The following IPO8 variants were observed in gnomAD, a reference collection of about 807,000 sequenced individuals.
IPO8 encodes the protein importin 8.
A neutral mutation model predicts 141.2 loss-of-function variants in IPO8; 65 were observed. That is an observed-to-expected ratio of 0.46 (90% confidence interval 0.38 to 0.57). IPO8 has a LOEUF of 0.57. IPO8 is among the 20% of genes least tolerant of loss of function. IPO8 has a pLI of 0.00. For synonymous variants in IPO8, 411 were observed against 420.3 expected (o/e 0.98, Z 0.27); for missense variants, 980 against 1,246.8 (o/e 0.79, Z 3.22).
Position 30,634,242 on chromosome 12 carries a change from C to T in IPO8, c.2740G>A (p.Ala914Thr). Residue 914 changes from alanine (A) to threonine (T), a missense_variant, in exon 23 of 25, where the codon GCA (alanine) becomes ACA (threonine). Physicochemically the swap from Ala to Thr is moderately conservative, Grantham distance 58. Around this residue, in one of 3 missense-constraint regions of IPO8, gnomAD observed 924 missense variants for 1,153.9 expected, o/e 0.80. Transcript: ENST00000256079. Reference protein sequence around the residue: ...DEEETNVTAQAMQSNNGRGED... With the variant: ...DEEETNVTAQTMQSNNGRGED... ...CCTCTTCCATTATTTGACTGCATTG[C>T]TTGAGCAGTTACATTTGTCTCCTCT... The T allele has an allele frequency of 1.2e-6, 2 of 1,613,906 alleles. No homozygotes were observed. Among genetic ancestry groups the T allele is most frequent in the Non-Finnish European group, 1.7e-6 (2 of 1,179,838 alleles).
At chr12:30,661,360 AG>A (rs1484734371) in intron 15 of IPO8, 94 bp from the exon 16 acceptor site, 1 of 1,157,206 alleles carries the variant, frequency 8.6e-7, no homozygotes, top group African/African-American at 1.6e-5. Context: ...ACACATCTGA[AG>A]TCTGCATTGC....
At chr12:30,688,503 T>C in intron 2 of IPO8, 1 of 366,372 alleles carries the variant, frequency 2.7e-6, no homozygotes, top group Non-Finnish European at 5.3e-6. Context: ...AAAGCAAAAA[T>C]CACAACATTC....
Position 30,637,263 on chromosome 12 carries a change from A to T in IPO8, c.2490-76T>A, listed in dbSNP as rs1272784027. ...AACAAATTCTGGAGAAACTACAAAA[A>T]GAAATGTCCAAGGCATACTCTAAGG... On this transcript the variant is annotated intron_variant, in intron 21 of 24. Transcript: ENST00000256079. The T allele has an allele frequency of 2.8e-5, 31 of 1,100,124 alleles. 1 individual carries two copies. Among genetic ancestry groups the T allele is most frequent in the South Asian group, 2.2e-4 (17 of 76,886 alleles). The allele number at this position is 1,100,124 out of a possible 1,614,324, so 68.1% of individuals were successfully genotyped here. A position where few individuals can be genotyped will look rare whatever the true frequency, so the allele number is the denominator to read the frequency against.
intron 20 of IPO8, among the ~76,000 whole-genome samples, chr12:30,647,620 A>AG: frequency 6.6e-6 from 1 of 150,896 alleles, no homozygotes; most frequent in East Asian, 1.9e-4. Context: ...AAAAAAAAAA[A>AG]AAAAAGACAC....
intron 13 of IPO8, 59 bp downstream of exon 13, chr12:30,665,161 T>C: frequency 1.0e-6 from 1 of 1,001,478 alleles, no homozygotes; most frequent in Non-Finnish European, 1.5e-6. Flanking sequence ...AAAAAACATT[T>C]ATTTGAATAA....
At chr12:30,684,090 C>T (rs776719588) in intron 3 of IPO8, among the ~76,000 whole-genome samples, 6 of 152,050 alleles carry the variant, frequency 3.9e-5, no homozygotes, top group South Asian at 4.1e-4. Context: ...TGGCAACATA[C>T]GACAACAAAA....
chr12:30,665,158 A>G, intron 13 of IPO8, 62 bp downstream of exon 13: 10 of 983,814 alleles, frequency 1.0e-5, no homozygotes, highest in Non-Finnish European at 1.4e-5. Context: ...TCCAAAAAAC[A>G]TTTATTTGAA....
In IPO8 at chr12:30,653,102, A is replaced by T. The variant is rs759206611; in HGVS notation, c.1949-10T>A. On this transcript the variant is annotated splice_polypyrimidine_tract_variant and intron_variant, in intron 17 of 24. Transcript: ENST00000256079. ...ATTTCTTCATAGAATTCTAGAAGAA[A>T]GAAAATCTCTAGTTAGAATGCTAGG... The T allele has an allele frequency of 6.2e-7, 1 of 1,606,092 alleles. No individual in the cohort carries two copies. The highest frequency in any genetic ancestry group is 8.5e-7 in the Non-Finnish European group (1 of 1,177,236).
chr12:30,678,600 A>G (rs1276676430), intron 5 of IPO8, among the ~76,000 whole-genome samples: 3 of 152,206 alleles, frequency 2.0e-5, no homozygotes, highest in East Asian at 3.9e-4. Context: ...CCCAAAGTTA[A>G]GTAACACATG....
chr12:30,645,313 C>G (rs1398128689), intron 20 of IPO8, among the ~76,000 whole-genome samples: 1 of 149,348 alleles, frequency 6.7e-6, no homozygotes, highest in African/African-American at 2.5e-5. Context: ...GCGGAGGTTG[C>G]AGTAAGCCAA....
At chr12:30,650,793 G>A (rs1419964766) in intron 19 of IPO8, among the ~76,000 whole-genome samples, 1 of 152,012 alleles carries the variant, frequency 6.6e-6, no homozygotes, top group Non-Finnish European at 1.5e-5. Flanking sequence ...AGTCAGATTA[G>A]GTTCAAATCT....
chr12:30,639,512 T>C lies in IPO8; in HGVS notation c.2489+3A>G. 2 of 1,600,310 alleles carry C rather than the reference T, an allele frequency of 1.2e-6. No homozygotes were observed. Among genetic ancestry groups the C allele is most frequent in the Non-Finnish European group, 1.7e-6 (2 of 1,167,586 alleles). ...AGCAGTGTAAAATCCAAAAGACACA[T>C]ACCCAAGAAAACAATCTGTATCATT... On this transcript the variant is annotated splice_donor_region_variant and intron_variant, in intron 21 of 24. Transcript: ENST00000256079.
At chr12:30,645,866 C>T (rs993528618) in intron 20 of IPO8, among the ~76,000 whole-genome samples, 1 of 151,424 alleles carries the variant, frequency 6.6e-6, no homozygotes, top group Non-Finnish European at 1.5e-5. Context: ...AACTACCCAC[C>T]GAAAACAAAA....
chr12:30,639,266 G>C (rs1042662725), intron 21 of IPO8, among the ~76,000 whole-genome samples: 3 of 151,610 alleles, frequency 2.0e-5, no homozygotes, highest in Admixed American at 1.3e-4. Flanking sequence ...ATACACTTGT[G>C]TTTAAAAAAA....
intron 20 of IPO8, 43 bp from the exon 21 acceptor site, chr12:30,639,778 A>G: frequency 2.8e-6 from 4 of 1,451,854 alleles, no homozygotes; most frequent in Non-Finnish European, 3.9e-6. Context: ...AGACAGCCCA[A>G]GTAACTTTTA....
chr12:30,650,936 G>A (rs1272162687), intron 19 of IPO8, among the ~76,000 whole-genome samples: 2 of 151,902 alleles, frequency 1.3e-5, no homozygotes, highest in Non-Finnish European at 2.9e-5. Context: ...TAATATTATA[G>A]AAAGTGCTTA....
intron 13 of IPO8, 69 bp from the exon 14 acceptor site, chr12:30,663,723 T>C (rs979751011): frequency 1.0e-5 from 12 of 1,167,126 alleles, no homozygotes; most frequent in Middle Eastern, 2.2e-4. Flanking sequence ...ATCACAGATA[T>C]AAGAACTTCT....
At chr12:30,643,453 C>T (rs2052600373) in intron 20 of IPO8, among the ~76,000 whole-genome samples, 1 of 152,300 alleles carries the variant, frequency 6.6e-6, no homozygotes, top group South Asian at 2.1e-4. Context: ...TTCTGATACA[C>T]AAATTCTTGA....
At position 30,630,883 on chromosome 12, in the gene IPO8, C is replaced by G. The variant is rs2052421765; in HGVS notation, c.3091G>C (p.Gly1031Arg). The G allele has an allele frequency of 2.5e-6, 4 of 1,613,454 alleles. No homozygotes were observed. Among genetic ancestry groups the G allele is most frequent in the Non-Finnish European group, 3.4e-6 (4 of 1,179,792 alleles). The change falls in exon 25 of 25, where the codon GGG (glycine) becomes CGG (arginine). Residue 1031 changes from glycine to arginine, a missense_variant. Physicochemically the swap from Gly to Arg is moderately radical, Grantham distance 125. Transcript: ENST00000256079. ...CTTCAGTTGTTGCTGGGCACAGTCC[C>G]AAAATTAAATGCGGAGAGGACTCCT... ...NKGVLSAFNF[G>R]TVPSNN
Sources: allele counts gnomAD v4.1 joint callset (sites outside exome capture counted in the v4.1 genomes callset), GRCh38; gene constraint gnomAD v4.1.1; regional missense constraint gnomAD v4.1.1; transcripts MANE v1.5; gene names NCBI Gene and HGNC (gene_info 2026-07-23, HGNC 2026-07-21).